PNPT1: variants seen among roughly 807,000 people sequenced by gnomAD.
PNPT1 encodes polyribonucleotide nucleotidyltransferase 1, also known as polyribonucleotide nucleotidyltransferase 1, mitochondrial.
In PNPT1, 53 loss-of-function variants were observed where a neutral mutation model predicts 119.5. That is an observed-to-expected ratio of 0.44 (90% CI 0.36 to 0.56). The LOEUF is 0.56. Ranked by LOEUF, PNPT1 falls within the 20% of genes least tolerant of loss-of-function variation. The pLI, the probability that PNPT1 is intolerant of heterozygous loss-of-function variation, is 0.00. For synonymous variants in PNPT1, 357 were observed against 322.1 expected, an observed-to-expected ratio of 1.11 and a Z score of -1.16; for missense variants, 948 against 938.5, an observed-to-expected ratio of 1.01 and a Z score of -0.13.
intron 1 of PNPT1, among the ~76,000 whole-genome samples, chr2:55,688,757 C>A (rs1239035695): frequency 1.2e-4 from 18 of 150,888 alleles, no homozygotes; most frequent in African/African-American, 4.4e-4. Flanking sequence ...ACAACAACAA[C>A]AACAACAACA....
chr2:55,682,153 C>G (rs542780593), intron 5 of PNPT1, among the ~76,000 whole-genome samples: 1 of 150,956 alleles, frequency 6.6e-6, no homozygotes, highest in Non-Finnish European at 1.5e-5. Flanking sequence ...AAAAAACAAA[C>G]AAACAAACCA....
rs541295080 is a variant in PNPT1, at chr2:55,660,046, G to T, written c.1284+111C>A. On this transcript the variant is annotated intron_variant, in intron 15 of 27. Transcript: ENST00000447944. ...TTGAGCCTGGGAGGGAGAGGTTGCAGTGAGCTGAGACTGCACCACTCCACT... is the reference window on the plus strand; with the variant it reads ...TTGAGCCTGGGAGGGAGAGGTTGCATTGAGCTGAGACTGCACCACTCCACT... 1.9e-4 allele frequency: 206 copies of T among 1,067,180 alleles called. No individual in the cohort carries two copies. The Middle Eastern group carries it at 3.7e-3, about 19-fold the overall frequency. The allele number at this position is 1,067,180 out of a possible 1,614,324, so 66.1% of individuals were successfully genotyped here.
Position 55,643,228 on chromosome 2 carries a change from TA to T in PNPT1, c.2014-16del. The T allele has an allele frequency of 6.2e-7, 1 of 1,614,116 alleles. No homozygotes were observed. Among genetic ancestry groups the T allele is most frequent in the Non-Finnish European group, 8.5e-7 (1 of 1,180,010 alleles). ...TGCTGCTCCTGCTGTAAGTGCAAAA[TA>T]AGCCATAAGATTCATAAAGAAAACA... On this transcript the variant is annotated splice_polypyrimidine_tract_variant and intron_variant, in intron 24 of 27. Coordinates refer to ENST00000447944, the MANE Select transcript of PNPT1 (RefSeq NM_033109.5).
intron 2 of PNPT1, among the ~76,000 whole-genome samples, chr2:55,687,131 G>A (rs571595596): frequency 2.0e-5 from 3 of 149,266 alleles, no homozygotes; most frequent in African/African-American, 7.4e-5. Context: ...GGAGAATGGC[G>A]TGAACCTGGG....
intron 13 of PNPT1, among the ~76,000 whole-genome samples, chr2:55,666,658 A>C (rs994211614): frequency 6.6e-6 from 1 of 152,122 alleles, no homozygotes; most frequent in East Asian, 1.9e-4. Flanking sequence ...TGGGCAACAT[A>C]GTAAGACCTT....
At chr2:55,663,842 G>A (rs1360073638) in intron 13 of PNPT1, among the ~76,000 whole-genome samples, 1 of 152,060 alleles carries the variant, frequency 6.6e-6, no homozygotes, top group Admixed American at 6.6e-5. Context: ...AATTAGCCGG[G>A]CGTGGTGGCA....
intron 1 of PNPT1, among the ~76,000 whole-genome samples, chr2:55,688,596 G>A (rs576041760): frequency 3.9e-5 from 6 of 152,078 alleles, no homozygotes; most frequent in Admixed American, 2.0e-4. Flanking sequence ...ATGGTGTTGC[G>A]TGTCTATAAT....
intron 19 of PNPT1, 40 bp from the exon 20 acceptor site, chr2:55,646,526 A>C (rs1384897868): frequency 6.6e-7 from 1 of 1,512,662 alleles, no homozygotes; most frequent in Non-Finnish European, 9.0e-7. Context: ...TTTTAAACAA[A>C]AACAAAAGTC....
chr2:55,662,787 A>G (rs541907517), intron 13 of PNPT1, among the ~76,000 whole-genome samples: 11 of 152,266 alleles, frequency 7.2e-5, no homozygotes, highest in Middle Eastern at 3.4e-3. Context: ...ACAACCTACA[A>G]TGAAACAGGA....
chr2:55,647,262 A>AC, intron 19 of PNPT1, 85 bp downstream of exon 19: 1 of 1,102,964 alleles, frequency 9.1e-7, no homozygotes, highest in Non-Finnish European at 1.3e-6. Context: ...TATAGTCTTC[A>AC]CCATTATTTG....
At chr2:55,647,522 A>ATTTTT in intron 18 of PNPT1, 69 bp from the exon 19 acceptor site, 1 of 945,916 alleles carries the variant, frequency 1.1e-6, no homozygotes, top group Non-Finnish European at 1.5e-6. Flanking sequence ...TTATCTATCA[A>ATTTTT]TTTTTTTTTT....
rs1695885399 is a variant in PNPT1, at chr2:55,643,153, A to G, written c.2069+5T>C. On this transcript the variant is annotated splice_donor_5th_base_variant and intron_variant, in intron 25 of 27. Coordinates refer to ENST00000447944, the MANE Select transcript of PNPT1 (RefSeq NM_033109.5). ...TGCTCAGCATAGTATATTACTTGATATTACCTGATTTCAGTTATTGTGGCG... is the reference window on the plus strand; with the variant it reads ...TGCTCAGCATAGTATATTACTTGATGTTACCTGATTTCAGTTATTGTGGCG... The G allele has an allele frequency of 6.2e-7, 1 of 1,613,794 alleles. No individual in the cohort carries two copies. Among genetic ancestry groups the G allele is most frequent in the African/African-American group, 1.3e-5 (1 of 74,904 alleles).
rs775821844 is a variant in PNPT1, at chr2:55,680,738, G to C, written c.539C>G (p.Ser180Ter). ...AACAGGTCCATTCCAAGGAATATCT[G>C]ATAATGAGAGGGCTACGGAAGCTTA... is the stretch of plus-strand genomic sequence containing the variant. ...INGASVALSLSDIPWNGPVGA... is the reference protein window; with the variant it reads ...INGASVALSL The change falls in exon 7 of 28, where the codon TCA becomes TGA. Residue 180 changes from serine (S) to a stop codon, truncating the protein, a stop_gained. Coordinates refer to ENST00000447944, the MANE Select transcript of PNPT1 (RefSeq NM_033109.5). LOFTEE classifies it high-confidence loss of function. 1 of 1,613,656 alleles carries C rather than the reference G, an allele frequency of 6.2e-7. No individual in the cohort carries two copies. Among genetic ancestry groups the C allele is most frequent in the Non-Finnish European group, 8.5e-7 (1 of 1,179,838 alleles).
intron 1 of PNPT1, among the ~76,000 whole-genome samples, chr2:55,690,356 G>C (rs1385395633): frequency 6.6e-6 from 1 of 152,070 alleles, no homozygotes; most frequent in African/African-American, 2.4e-5. Context: ...TACAGAGAAA[G>C]AGAAAGATGT....
At position 55,688,766 on chromosome 2, in the gene PNPT1, C is replaced by CAAA. The variant is rs200865090; in HGVS notation, c.162-1064_162-1062dup. On this transcript the variant is annotated intron_variant, in intron 1 of 27. Transcript: ENST00000447944. ...AAAACAACAACAACAACAACAACAA[C>CAAA]AAAAAACTTTAGAATTTCTCCCAAT... 7.0e-3 allele frequency among the ~76,000 whole-genome samples: 1,060 copies of CAAA among 151,152 alleles called. 10 individuals are homozygous for CAAA. The highest frequency in any genetic ancestry group is 0.022 in the African/African-American group (920 of 41,086).
intron 18 of PNPT1, among the ~76,000 whole-genome samples, chr2:55,652,006 G>T (rs1696227770): frequency 6.6e-6 from 1 of 151,802 alleles, no homozygotes; most frequent in African/African-American, 2.4e-5. Context: ...TGCACATGCT[G>T]GTCCTTTCAT....
At chr2:55,683,984 G>C (rs1408127372) in intron 4 of PNPT1, 150 bp from the exon 5 acceptor site, 8 of 669,022 alleles carry the variant, frequency 1.2e-5, no homozygotes, top group Admixed American at 6.1e-5. Flanking sequence ...ATAAATGTCA[G>C]TGCTTCCATT....
chr2:55,669,147 A>C (rs1696828518), intron 11 of PNPT1, among the ~76,000 whole-genome samples: 1 of 152,074 alleles, frequency 6.6e-6, no homozygotes, highest in African/African-American at 2.4e-5. Flanking sequence ...AAAGGGGTGA[A>C]GTACTGTGTA....
chr2:55,656,695 T>C (rs1445816253), intron 15 of PNPT1, among the ~76,000 whole-genome samples: 2 of 152,200 alleles, frequency 1.3e-5, no homozygotes, highest in Non-Finnish European at 2.9e-5. Flanking sequence ...ATGTACATAT[T>C]TAAAAAGTAC....
Sources: gnomAD v4.1 joint callset for allele counts (sites outside exome capture counted in the v4.1 genomes callset) on GRCh38, gnomAD v4.1.1 for gene constraint, MANE v1.5 for transcripts, NCBI Gene and HGNC (gene_info 2026-07-23, HGNC 2026-07-21) for gene names.